Variants in PPIL1 observed in about 807,000 individuals in gnomAD.
The protein encoded by PPIL1 is peptidyl-prolyl cis-trans isomerase-like 1.
In PPIL1, 14 loss-of-function variants were observed where a neutral mutation model predicts 19.4. That is an observed-to-expected ratio of 0.72 (90% CI 0.48 to 1.13). The LOEUF (loss-of-function observed/expected upper bound fraction) is 1.13. Ranked by LOEUF, PPIL1 falls within the 50% of genes most tolerant of loss-of-function variation. The pLI, the probability that PPIL1 is intolerant of heterozygous loss-of-function variation, is 0.00. For missense variants in PPIL1, 192 were observed against 218.0 expected (o/e 0.88, Z 0.75); for synonymous variants, 72 against 73.6 (o/e 0.98, Z 0.11).
intron 2 of PPIL1, among the ~76,000 whole-genome samples, chr6:36,857,002 T>C (rs76855440): frequency 0.031 from 4,667 of 152,272 alleles, 254 homozygotes; most frequent in East Asian, 0.26. Context: ...ATTCATAATC[T>C]GATGTGTTAA....
In PPIL1 at chr6:36,855,799, A is replaced by G. The variant is rs778594412; in HGVS notation, c.*14T>C. 14 of 1,611,460 alleles carry G rather than the reference A, an allele frequency of 8.7e-6. 1 individual carries two copies. Among genetic ancestry groups the G allele is most frequent in the Non-Finnish European group, 1.2e-5 (14 of 1,177,690 alleles). On this transcript the variant is annotated 3_prime_UTR_variant, in exon 4 of 4. Coordinates refer to ENST00000373699, the MANE Select transcript of PPIL1 (RefSeq NM_016059.5). ...GGGGCCATCTCAGAAGAGCTGCTCAAGAGGGTAGCAAGTCTACCCAGAAGG... is the reference window on the plus strand; with the variant it reads ...GGGGCCATCTCAGAAGAGCTGCTCAGGAGGGTAGCAAGTCTACCCAGAAGG...
intron 2 of PPIL1, chr6:36,858,729 A>C (rs1291629043): frequency 2.0e-5 from 3 of 152,368 alleles, no homozygotes; most frequent in African/African-American, 7.2e-5. Context: ...ACTGAACCAC[A>C]CTAAACTGTG....
rs544725488 is a variant in PPIL1, at chr6:36,872,577, G to A, written c.57-705C>T. ...GACGAGTGCCTTCCCCTCTACTCCA[G>A]CACATACCTAGACTTTAAGCTCCAA... On this transcript the variant is annotated intron_variant, in intron 1 of 3. Coordinates refer to ENST00000373699, the MANE Select transcript of PPIL1 (RefSeq NM_016059.5). Among the ~76,000 whole-genome samples, 10 of 151,882 alleles carry A rather than the reference G, an allele frequency of 6.6e-5. No individual in the cohort carries two copies. In the East Asian group the frequency reaches 1.9e-3, roughly 29 times the overall value.
At chr6:36,865,088 G>C (rs1367586367) in intron 2 of PPIL1, among the ~76,000 whole-genome samples, 1 of 152,160 alleles carries the variant, frequency 6.6e-6, no homozygotes, top group Non-Finnish European at 1.5e-5. Flanking sequence ...CAGCCTAGGA[G>C]GTGCACGTAA....
intron 2 of PPIL1, among the ~76,000 whole-genome samples, chr6:36,859,914 T>C (rs1224159277): frequency 6.6e-6 from 1 of 151,866 alleles, no homozygotes; most frequent in East Asian, 1.9e-4. Context: ...CTGCAACTTC[T>C]GCCTCCCGGG....
chr6:36,861,125 A>T (rs1352239476), intron 2 of PPIL1, among the ~76,000 whole-genome samples: 1 of 152,172 alleles, frequency 6.6e-6, no homozygotes, highest in Non-Finnish European at 1.5e-5. Context: ...CACAGGGGAT[A>T]CACAGGGTCA....
intron 2 of PPIL1, among the ~76,000 whole-genome samples, chr6:36,864,607 C>T (rs980503045): frequency 2.9e-4 from 44 of 152,128 alleles, no homozygotes; most frequent in Non-Finnish European, 5.4e-4. Flanking sequence ...TGACCCCTGG[C>T]GACAGTGGGC....
intron 2 of PPIL1, among the ~76,000 whole-genome samples, chr6:36,860,510 T>A (rs1774263895): frequency 1.3e-5 from 2 of 152,182 alleles, no homozygotes; most frequent in South Asian, 4.1e-4. Context: ...TCAATGTATT[T>A]ATTTCAGACA....
chr6:36,872,046 C>A (rs938841351), intron 1 of PPIL1, 174 bp from the exon 2 acceptor site: 6 of 551,550 alleles, frequency 1.1e-5, no homozygotes, highest in Non-Finnish European at 1.4e-5. Context: ...ACATAAACAC[C>A]CATTATCTTT....
At chr6:36,865,572 T>C (rs1774379195) in intron 2 of PPIL1, among the ~76,000 whole-genome samples, 1 of 152,158 alleles carries the variant, frequency 6.6e-6, no homozygotes, top group Non-Finnish European at 1.5e-5. Context: ...TACCCACCCT[T>C]CTTCCTAAAT....
In PPIL1 at chr6:36,855,290, G is replaced by A. The variant is rs1483773821; in HGVS notation, c.*523C>T. ...CACTGTTGATGTTCTGGTTTTGAGA[G>A]GGAAAATATATATAGAGATGCATAC... On this transcript the variant is annotated 3_prime_UTR_variant, in exon 4 of 4. Transcript: ENST00000373699. 6.4e-6 allele frequency: 1 copy of A among 155,654 alleles called. No individual in the cohort carries two copies. The highest frequency in any genetic ancestry group is 1.4e-5 in the Non-Finnish European group (1 of 69,722). The allele number at this position is 155,654 out of a possible 1,614,324, so 9.6% of individuals were successfully genotyped here.
In PPIL1 at chr6:36,855,830, C is replaced by G; in HGVS notation, c.484G>C (p.Ala162Pro). Residue 162 changes from alanine (A) to proline (P), a missense_variant, in exon 4 of 4, where the codon GCA (alanine) becomes CCA (proline). By Grantham distance (27) the Ala-to-Pro change is conservative (BLOSUM62 -1). Transcript: ENST00000373699. ...RPVDDVKIIKAYPSG is the reference protein window; with the variant it reads ...RPVDDVKIIKPYPSG ...TAGCAAGTCTACCCAGAAGGGTATGCCTTAATGATCTTCACGTCGTCCACA... is the reference window on the plus strand; with the variant it reads ...TAGCAAGTCTACCCAGAAGGGTATGGCTTAATGATCTTCACGTCGTCCACA... 6.2e-7 allele frequency: 1 copy of G among 1,614,184 alleles called. No individual in the cohort carries two copies. The highest frequency in any genetic ancestry group is 8.5e-7 in the Non-Finnish European group (1 of 1,180,030).
rs528462205 is a variant in PPIL1 at position 36,861,718 on chromosome 6, CAG to C, written c.212-5066_212-5065del. ...TTTAATTCCTTTTTTTTTTCTGAGA[CAG>C]AGTTTCGCTCTTGTGGCCCAGGCTG... On this transcript the variant is annotated intron_variant, in intron 2 of 3. Coordinates refer to ENST00000373699, the MANE Select transcript of PPIL1 (RefSeq NM_016059.5). Among the ~76,000 whole-genome samples, 500 of 142,834 alleles carry C rather than the reference CAG, an allele frequency of 3.5e-3. 3 individuals are homozygous for C. The highest frequency in any genetic ancestry group is 3.4e-3 in the Non-Finnish European group (228 of 66,176). 93.7% of individuals were successfully genotyped at this position (142,834 alleles called of 152,430 possible). A position where few individuals can be genotyped will look rare whatever the true frequency, so the allele number is the denominator to read the frequency against.
Position 36,860,566 on chromosome 6 carries a change from C to T in PPIL1, c.212-3912G>A, listed in dbSNP as rs532328277. Among the ~76,000 whole-genome samples the T allele has an allele frequency of 3.9e-5, 6 of 152,194 alleles. No individual in the cohort carries two copies. The South Asian group carries it at 1.0e-3, about 26-fold the overall frequency. On this transcript the variant is annotated intron_variant, in intron 2 of 3. Transcript: ENST00000373699. Reference sequence around the variant, plus strand: ...TATGACCAATATCTATGACCACCTCCGCCCCCAAGAAATAAACTATTGCAA... The same window carrying T: ...TATGACCAATATCTATGACCACCTCTGCCCCCAAGAAATAAACTATTGCAA...
chr6:36,861,887 G>A (rs912379058), intron 2 of PPIL1, among the ~76,000 whole-genome samples: 6 of 151,992 alleles, frequency 3.9e-5, no homozygotes, highest in African/African-American at 1.5e-4. Flanking sequence ...GTAGAGACGG[G>A]ATTTCTCCAT....
At chr6:36,874,618 A>C in intron 1 of PPIL1, 99 bp downstream of exon 1, 1 of 1,489,832 alleles carries the variant, frequency 6.7e-7, no homozygotes, top group South Asian at 1.2e-5. Context: ...CTCCACGTGG[A>C]GGCCGGCCTC....
chr6:36,869,027 C>T (rs1186885032), intron 2 of PPIL1, among the ~76,000 whole-genome samples: 1 of 151,954 alleles, frequency 6.6e-6, no homozygotes, highest in Non-Finnish European at 1.5e-5. Flanking sequence ...CTGTGTCGCT[C>T]AGGCTGGAGT....
At chr6:36,862,304 G>C (rs919761736) in intron 2 of PPIL1, among the ~76,000 whole-genome samples, 1 of 152,178 alleles carries the variant, frequency 6.6e-6, no homozygotes, top group African/African-American at 2.4e-5. Context: ...CTTCTGGCAA[G>C]AGTGCCTCTA....
intron 2 of PPIL1, among the ~76,000 whole-genome samples, chr6:36,857,081 C>G (rs1024324918): frequency 1.3e-5 from 2 of 152,070 alleles, no homozygotes; most frequent in Admixed American, 1.3e-4. Context: ...TATCCCTGTG[C>G]CCATCACAGA....
Sources: gnomAD v4.1 joint callset for allele counts (sites outside exome capture counted in the v4.1 genomes callset) on GRCh38, gnomAD v4.1.1 for gene constraint, MANE v1.5 for transcripts, NCBI Gene and HGNC (gene_info 2026-07-23, HGNC 2026-07-21) for gene names.